Variants in STRN3 observed in about 807,000 individuals in gnomAD.
STRN3 encodes striatin 3, also known as striatin-3.
STRN3 carries 29 observed loss-of-function variants against 95.6 expected under a neutral mutation model. The ratio of observed to expected loss-of-function variants is 0.30; its 90% CI spans 0.23 to 0.41. The LOEUF (loss-of-function observed/expected upper bound fraction) is 0.41. Among genes scored for constraint, STRN3 ranks in the 10% least tolerant of loss-of-function variants. The probability of loss-of-function intolerance (pLI) is 1.00; values close to 1 mark genes in which losing one functional copy is unlikely to be tolerated. For missense variants in STRN3, 890 were observed against 972.1 expected (o/e 0.92, Z 1.12); for synonymous variants, 331 against 357.6 (o/e 0.93, Z 0.84).
At chr14:31,023,236 G>C (rs1225800061) in intron 1 of STRN3, among the ~76,000 whole-genome samples, 1 of 152,128 alleles carries the variant, frequency 6.6e-6, no homozygotes, top group Non-Finnish European at 1.5e-5. Context: ...AAAATGGACT[G>C]TCTGTGGAAT....
At chr14:30,910,672 T>C (rs535658812) in intron 13 of STRN3, among the ~76,000 whole-genome samples, 7 of 152,214 alleles carry the variant, frequency 4.6e-5, no homozygotes, top group African/African-American at 1.7e-4. Context: ...TTTAATGATT[T>C]ATACCCCTGA....
chr14:30,946,829 A>G (rs1419189275), intron 5 of STRN3, among the ~76,000 whole-genome samples: 1 of 151,966 alleles, frequency 6.6e-6, no homozygotes, highest in African/African-American at 2.4e-5. Context: ...AATACAAAAA[A>G]TTAGCCAGGA....
chr14:31,015,360 G>A (rs777041817), intron 1 of STRN3, among the ~76,000 whole-genome samples: 1 of 151,786 alleles, frequency 6.6e-6, no homozygotes, highest in Non-Finnish European at 1.5e-5. Flanking sequence ...TTTCATCTTG[G>A]GCTTAAACAC....
chr14:30,989,123 A>G (rs1323840779), intron 1 of STRN3, among the ~76,000 whole-genome samples: 4 of 152,172 alleles, frequency 2.6e-5, no homozygotes, highest in African/African-American at 9.7e-5. Flanking sequence ...CATCCACAGA[A>G]AGTAGTCTGG....
At chr14:30,965,728 C>A (rs972922915) in intron 1 of STRN3, among the ~76,000 whole-genome samples, 1 of 130,066 alleles carries the variant, frequency 7.7e-6, no homozygotes, top group Non-Finnish European at 1.5e-5. Context: ...GAACGAGAAT[C>A]GCTTGTACCA....
chr14:30,961,497 G>A (rs1041035841), intron 1 of STRN3, among the ~76,000 whole-genome samples: 6 of 152,186 alleles, frequency 3.9e-5, no homozygotes, highest in African/African-American at 7.2e-5. Flanking sequence ...GTAGTGGGAC[G>A]CATTAGACGC....
chr14:30,996,574 A>C (rs1230250720), intron 1 of STRN3, among the ~76,000 whole-genome samples: 1 of 152,192 alleles, frequency 6.6e-6, no homozygotes, highest in Non-Finnish European at 1.5e-5. Context: ...CTGCATTAGA[A>C]GGTGCAATGT....
intron 1 of STRN3, chr14:31,025,339 C>G (rs962513220): frequency 6.4e-6 from 1 of 156,036 alleles, no homozygotes; most frequent in Admixed American, 6.1e-5. Context: ...AATAAAACTT[C>G]ACAGGTCAGT....
chr14:30,905,790 T>C (rs187203343), intron 14 of STRN3, among the ~76,000 whole-genome samples: 1 of 152,318 alleles, frequency 6.6e-6, no homozygotes, highest in East Asian at 1.9e-4. Flanking sequence ...AAAATATAAC[T>C]ACAGAGCTCA....
chr14:30,912,227 G>A (rs771903072), intron 10 of STRN3, 45 bp from the exon 11 acceptor site: 1 of 1,576,410 alleles, frequency 6.3e-7, no homozygotes, highest in Non-Finnish European at 8.6e-7. Flanking sequence ...GTAGTAAACT[G>A]GAAGGCATGT....
chr14:30,952,757 T>C (rs960409177), intron 3 of STRN3, among the ~76,000 whole-genome samples: 2 of 152,176 alleles, frequency 1.3e-5, no homozygotes, highest in African/African-American at 4.8e-5. Context: ...TTCTTTTATT[T>C]CCAGAAATAA....
intron 1 of STRN3, among the ~76,000 whole-genome samples, chr14:30,985,101 G>C (rs1451058335): frequency 6.6e-6 from 1 of 151,778 alleles, no homozygotes; most frequent in Non-Finnish European, 1.5e-5. Context: ...TGGATCACCT[G>C]AGGTCAGGAG....
At chr14:30,984,036 C>T (rs1418894883) in intron 1 of STRN3, among the ~76,000 whole-genome samples, 1 of 150,818 alleles carries the variant, frequency 6.6e-6, no homozygotes, top group African/African-American at 2.4e-5. Flanking sequence ...GTGGCAGCAA[C>T]AACAACAAAA....
chr14:30,919,922 T>G (rs1896839073), intron 8 of STRN3, among the ~76,000 whole-genome samples: 4 of 152,246 alleles, frequency 2.6e-5, no homozygotes, highest in African/African-American at 9.6e-5. Flanking sequence ...CCATATATTT[T>G]GAAAGAAAAT....
At chr14:30,994,501 AT>A (rs1241804908) in intron 1 of STRN3, among the ~76,000 whole-genome samples, 8 of 152,232 alleles carry the variant, frequency 5.3e-5, no homozygotes, top group Admixed American at 5.2e-4. Flanking sequence ...AATAAACTGT[AT>A]GCATAGGGAT....
At position 30,895,077 on chromosome 14, in the gene STRN3, AAAG is replaced by A. The variant is rs1423777692; in HGVS notation, c.*331_*333del. The A allele has an allele frequency of 0.012, 2,231 of 183,832 alleles. 88 individuals carry two copies. Among genetic ancestry groups the A allele is most frequent in the African/African-American group, 0.033 (1,143 of 34,260 alleles). The allele number at this position is 183,832 out of a possible 1,614,324, so 11.4% of individuals were successfully genotyped here. ...CCAAAAAAAAAAAAAAAAAAAAAAA[AAAG>A]AAGAAGAAGAAGAGAAAAAAAAAAA... is the stretch of plus-strand genomic sequence containing the variant. On this transcript the variant is annotated 3_prime_UTR_variant, in exon 18 of 18. Coordinates refer to ENST00000357479, the MANE Select transcript of STRN3 (RefSeq NM_001083893.2).
chr14:30,925,499 A>C (rs1897005675), intron 8 of STRN3, among the ~76,000 whole-genome samples: 1 of 152,194 alleles, frequency 6.6e-6, no homozygotes, highest in African/African-American at 2.4e-5. Flanking sequence ...AAATCTGTAG[A>C]AGCTTATGCT....
chr14:31,022,571 C>T (rs1033825001), intron 1 of STRN3, among the ~76,000 whole-genome samples: 4 of 151,504 alleles, frequency 2.6e-5, no homozygotes, highest in Non-Finnish European at 4.4e-5. Context: ...GCATCACAGG[C>T]GCTCAATAAA....
chr14:30,919,106 C>T lies in STRN3; in HGVS notation c.1100G>A (p.Arg367Lys), dbSNP rs143046858. The change falls in exon 9 of 18, where the codon AGG becomes AAG. Residue 367 changes from arginine to lysine, a missense_variant and splice_region_variant. By Grantham distance (26) the Arg-to-Lys change is conservative. Transcript: ENST00000357479. ...GTCGTAGAGTTTTGTCCTGTTGGCC[C>T]CTGTAAATTAATGTCAGCAGTAGAG... ...KERKGKKGVK[R>K]ANRTKLYDMI... 2,178 of 1,599,624 alleles carry T rather than the reference C, an allele frequency of 1.4e-3. 10 individuals are homozygous for T. Among genetic ancestry groups the T allele is most frequent in the Middle Eastern group, 4.8e-3 (29 of 6,000 alleles).
Sources: allele counts gnomAD v4.1 joint callset (sites outside exome capture counted in the v4.1 genomes callset), GRCh38; gene constraint gnomAD v4.1.1; transcripts MANE v1.5; gene names NCBI Gene and HGNC (gene_info 2026-07-23, HGNC 2026-07-21).